Variants in CDC14B observed in about 807,000 individuals in gnomAD.
CDC14B encodes dual specificity protein phosphatase CDC14B.
CDC14B carries 22 observed loss-of-function variants against 64.2 expected under a neutral mutation model. That is an observed-to-expected ratio of 0.34 (90% CI 0.24 to 0.49). The LOEUF (loss-of-function observed/expected upper bound fraction) is 0.49, where lower values mean the gene tolerates loss of function less well. Ranked by LOEUF, CDC14B falls within the 20% of genes least tolerant of loss-of-function variation. The pLI is 0.99. For missense variants in CDC14B, 498 were observed against 629.9 expected, an observed-to-expected ratio of 0.79 and a Z score of 2.24; for synonymous variants, 191 against 215.8, an observed-to-expected ratio of 0.89 and a Z score of 1.01.
chr9:96,573,773 A>T (rs1381842884), intron 1 of CDC14B, among the ~76,000 whole-genome samples: 3 of 152,220 alleles, frequency 2.0e-5, no homozygotes, highest in Non-Finnish European at 4.4e-5. Flanking sequence ...CATGTAATAA[A>T]TTACATGGAA....
At chr9:96,606,642 A>G (rs1289799165) in intron 1 of CDC14B, among the ~76,000 whole-genome samples, 1 of 150,602 alleles carries the variant, frequency 6.6e-6, no homozygotes, top group Non-Finnish European at 1.5e-5. Flanking sequence ...TCTCAGCTCA[A>G]CGCAACCTCT....
chr9:96,599,988 C>T (rs550599808), intron 1 of CDC14B, among the ~76,000 whole-genome samples: 1 of 152,256 alleles, frequency 6.6e-6, no homozygotes, highest in Admixed American at 6.5e-5. Flanking sequence ...CCTTGGCATC[C>T]CAAAGTGCTG....
At chr9:96,506,897 G>C (rs548475397) in intron 13 of CDC14B, among the ~76,000 whole-genome samples, 3 of 152,362 alleles carry the variant, frequency 2.0e-5, no homozygotes, top group South Asian at 4.1e-4. Flanking sequence ...GACCTGGCAA[G>C]TGCCAGCCAG....
At chr9:96,559,290 A>C (rs1564335128) in intron 4 of CDC14B, among the ~76,000 whole-genome samples, 1 of 152,222 alleles carries the variant, frequency 6.6e-6, no homozygotes, top group Non-Finnish European at 1.5e-5. Context: ...AGGACTGATA[A>C]AAATAAACAG....
intron 1 of CDC14B, chr9:96,618,843 A>C: frequency 3.1e-6 from 1 of 318,366 alleles, no homozygotes; most frequent in Non-Finnish European, 6.0e-6. Flanking sequence ...CGCGAGGGCC[A>C]ACCGGGCTCG....
At position 96,500,741 on chromosome 9, in the gene CDC14B, A is replaced by G. The variant is rs1485989005; in HGVS notation, c.*3012T>C. 6.6e-6 allele frequency: 1 copy of G among 152,182 alleles called. No homozygotes were observed. The highest frequency in any genetic ancestry group is 1.5e-5 in the Non-Finnish European group (1 of 68,018). The allele number at this position is 152,182 out of a possible 1,614,324, so 9.4% of individuals were successfully genotyped here. On this transcript the variant is annotated 3_prime_UTR_variant, in exon 14 of 14. Transcript: ENST00000375241. ...CACTGCTTTCCAAAATGCAATAATGATTTTTTTTAATGTAGAAAGAGAAGC... is the reference window on the plus strand; with the variant it reads ...CACTGCTTTCCAAAATGCAATAATGGTTTTTTTTAATGTAGAAAGAGAAGC...
intron 1 of CDC14B, among the ~76,000 whole-genome samples, chr9:96,568,209 C>G (rs929444577): frequency 6.6e-6 from 1 of 152,100 alleles, no homozygotes; most frequent in Non-Finnish European, 1.5e-5. Flanking sequence ...CCAGATGGAT[C>G]AAAGACTTTT....
At chr9:96,597,043 A>G (rs1175969218) in intron 1 of CDC14B, among the ~76,000 whole-genome samples, 2 of 152,214 alleles carry the variant, frequency 1.3e-5, no homozygotes, top group Non-Finnish European at 2.9e-5. Context: ...ACCAATCTCA[A>G]GCACACGAAA....
At chr9:96,548,767 C>CTCCA (rs1395292926) in intron 5 of CDC14B, among the ~76,000 whole-genome samples, 1 of 150,566 alleles carries the variant, frequency 6.6e-6, no homozygotes, top group Admixed American at 6.6e-5. Context: ...CGCCACTGAA[C>CTCCA]TCCAGCCTGG....
chr9:96,566,357 TA>T (rs1335532241), intron 1 of CDC14B, among the ~76,000 whole-genome samples: 9 of 127,488 alleles, frequency 7.1e-5, no homozygotes, highest in African/African-American at 2.9e-4. Context: ...AATGGTAAAC[TA>T]TTTTTTTTTT....
At chr9:96,589,955 C>T (rs1845683701) in intron 1 of CDC14B, among the ~76,000 whole-genome samples, 1 of 146,094 alleles carries the variant, frequency 6.8e-6, no homozygotes, top group Non-Finnish European at 1.5e-5. Flanking sequence ...AGCAAGACTC[C>T]ATCTCAAAAA....
chr9:96,576,169 C>T (rs1217486747), intron 1 of CDC14B, among the ~76,000 whole-genome samples: 2 of 151,844 alleles, frequency 1.3e-5, no homozygotes, highest in African/African-American at 2.4e-5. Context: ...ATCCCAGCTA[C>T]TTGGGGAGGG....
intron 4 of CDC14B, among the ~76,000 whole-genome samples, chr9:96,559,647 A>G (rs911243097): frequency 6.6e-6 from 1 of 152,212 alleles, no homozygotes; most frequent in Non-Finnish European, 1.5e-5. Flanking sequence ...CTGCCTATCA[A>G]CATTACAGCT....
downstream of CDC14B, among the ~76,000 whole-genome samples, chr9:96,499,058 T>C (rs1249625415): frequency 6.6e-6 from 1 of 152,172 alleles, no homozygotes; most frequent in Non-Finnish European, 1.5e-5. Flanking sequence ...CGGAGCTGCG[T>C]GGTGGCGCCA....
intron 9 of CDC14B, among the ~76,000 whole-genome samples, chr9:96,525,587 G>A (rs573290063): frequency 6.6e-6 from 1 of 152,320 alleles, no homozygotes; most frequent in African/African-American, 2.4e-5. Context: ...AGGGCAGAGC[G>A]TGGAGCCAAA....
At chr9:96,494,067 G>A (rs536832203) in intron 13 of CDC14B, among the ~76,000 whole-genome samples, 4 of 152,330 alleles carry the variant, frequency 2.6e-5, no homozygotes, top group South Asian at 2.1e-4. Context: ...GGAGCAGAGC[G>A]TTTGCTTGAG....
intron 12 of CDC14B, among the ~76,000 whole-genome samples, chr9:96,510,718 GC>G (rs760896772): frequency 1.3e-5 from 2 of 151,340 alleles, no homozygotes; most frequent in African/African-American, 2.4e-5. Context: ...CGATCCTCCT[GC>G]CTCAGCCTCC....
chr9:96,551,241 C>G (rs1410646602), intron 5 of CDC14B, among the ~76,000 whole-genome samples: 1 of 151,614 alleles, frequency 6.6e-6, no homozygotes, highest in Non-Finnish European at 1.5e-5. Flanking sequence ...CTCAGTCTCC[C>G]AAGTAGCTGG....
At chr9:96,496,032 C>T (rs140912575), downstream of CDC14B, among the ~76,000 whole-genome samples, 111 of 152,246 alleles carry the variant, frequency 7.3e-4, no homozygotes, top group East Asian at 0.019. Context: ...CGCACAGGGG[C>T]TCCTAGCCTA....
Sources: gnomAD v4.1 joint callset for allele counts (sites outside exome capture counted in the v4.1 genomes callset) on GRCh38, gnomAD v4.1.1 for gene constraint, MANE v1.5 for transcripts, NCBI Gene and HGNC (gene_info 2026-07-23, HGNC 2026-07-21) for gene names.